SLC71A2: variants seen among roughly 807,000 people sequenced by gnomAD.
SLC71A2 encodes the protein solute carrier family 71 member 2, also known as hippocampus abundant transcript-like 1.
the SLC71A2 span, among the ~76,000 whole-genome samples, chr9:94,428,068 A>C: frequency 3.3e-5 from 5 of 152,008 alleles, no homozygotes; most frequent in Non-Finnish European, 5.9e-5. Context: ...GGTTGCAGTG[A>C]GCTGAGATTG....
chr9:94,447,763 T>C, the SLC71A2 span, among the ~76,000 whole-genome samples: 2 of 152,158 alleles, frequency 1.3e-5, no homozygotes, highest in African/African-American at 4.8e-5. Context: ...CATGATAACA[T>C]GTATCAACCC....
chr9:94,428,550 G>A, the SLC71A2 span, among the ~76,000 whole-genome samples: 38 of 150,244 alleles, frequency 2.5e-4, no homozygotes, highest in Admixed American at 8.0e-4. Flanking sequence ...TGAGAGGAAG[G>A]TACAGAGATT....
At chr9:94,404,207 G>A in the SLC71A2 span, among the ~76,000 whole-genome samples, 2 of 152,186 alleles carry the variant, frequency 1.3e-5, no homozygotes, top group Non-Finnish European at 2.9e-5. Flanking sequence ...TAAGACAGTA[G>A]CCATCCTAAT....
chr9:94,385,964 C>T, the SLC71A2 span, among the ~76,000 whole-genome samples: 1 of 152,130 alleles, frequency 6.6e-6, no homozygotes, highest in Non-Finnish European at 1.5e-5. Context: ...TCGTGGCTCA[C>T]TGTAATCTTA....
the SLC71A2 span, chr9:94,454,086 A>C: frequency 6.4e-7 from 1 of 1,569,048 alleles, no homozygotes; most frequent in Admixed American, 1.7e-5. Flanking sequence ...CCTCACTCTT[A>C]GATTCTCGTG....
the SLC71A2 span, among the ~76,000 whole-genome samples, chr9:94,385,939 A>G: frequency 2.0e-5 from 3 of 151,860 alleles, no homozygotes; most frequent in African/African-American, 4.8e-5. Flanking sequence ...CCCAGGCTGG[A>G]GTGCAGTGGT....
At chr9:94,457,453 A>ATTT in the SLC71A2 span, among the ~76,000 whole-genome samples, 266 of 150,494 alleles carry the variant, frequency 1.8e-3, 1 homozygote, top group East Asian at 9.2e-3. Flanking sequence ...TATTCATTGC[A>ATTT]TTTTTTTTTT....
the SLC71A2 span, among the ~76,000 whole-genome samples, chr9:94,452,647 TC>T: frequency 1.0e-5 from 1 of 95,836 alleles, no homozygotes; most frequent in African/African-American, 3.3e-5. Flanking sequence ...ATATATATAT[TC>T]ATATATATTC....
At chr9:94,426,917 C>G in the SLC71A2 span, among the ~76,000 whole-genome samples, 2 of 152,198 alleles carry the variant, frequency 1.3e-5, no homozygotes, top group Non-Finnish European at 2.9e-5. Flanking sequence ...TCACTGCAGA[C>G]TTGATCTTCC....
chr9:94,436,805 G>GT, the SLC71A2 span, among the ~76,000 whole-genome samples: 2 of 152,150 alleles, frequency 1.3e-5, no homozygotes, highest in African/African-American at 4.8e-5. Context: ...GGAGACTTCT[G>GT]TAAGTTGATT....
chr9:94,454,119 A>G, the SLC71A2 span: 1 of 1,333,568 alleles, frequency 7.5e-7, no homozygotes, highest in Admixed American at 1.7e-5. Context: ...GATGCCTCTT[A>G]GAGGAGCTTG....
the SLC71A2 span, among the ~76,000 whole-genome samples, chr9:94,456,950 T>C: frequency 7.0e-6 from 1 of 143,288 alleles, no homozygotes. Context: ...TTCCCTCTTT[T>C]CCCACCCTTC....
the SLC71A2 span, among the ~76,000 whole-genome samples, chr9:94,440,530 G>C: frequency 6.6e-6 from 1 of 151,314 alleles, no homozygotes; most frequent in Non-Finnish European, 1.5e-5. Flanking sequence ...TTTTAAACTG[G>C]GTTTTTAAAA....
At chr9:94,456,628 C>T in the SLC71A2 span, among the ~76,000 whole-genome samples, 1 of 152,136 alleles carries the variant, frequency 6.6e-6, no homozygotes, top group African/African-American at 2.4e-5. Flanking sequence ...TTTAGTGTCA[C>T]AATTAAGCAG....
At chr9:94,411,584 C>A in the SLC71A2 span, among the ~76,000 whole-genome samples, 20 of 148,644 alleles carry the variant, frequency 1.3e-4, no homozygotes, top group Admixed American at 8.1e-4. Flanking sequence ...TTTCTTCATT[C>A]GTTAGCCGAT....
At chr9:94,447,486 T>G in the SLC71A2 span, among the ~76,000 whole-genome samples, 5 of 151,274 alleles carry the variant, frequency 3.3e-5, no homozygotes, top group Middle Eastern at 3.4e-3. Flanking sequence ...AGCCTGTTTT[T>G]TTTTTTTTTT....
the SLC71A2 span, among the ~76,000 whole-genome samples, chr9:94,409,715 A>G: frequency 1.3e-5 from 2 of 151,596 alleles, no homozygotes; most frequent in African/African-American, 4.9e-5. Context: ...GATTTCTTTT[A>G]TCTGTTATTT....
chr9:94,439,225 C>T, the SLC71A2 span, among the ~76,000 whole-genome samples: 1 of 151,734 alleles, frequency 6.6e-6, no homozygotes, highest in African/African-American at 2.4e-5. Context: ...GGTGAGGCTT[C>T]CCTTGAACTG....
At chr9:94,439,171 G>A in the SLC71A2 span, among the ~76,000 whole-genome samples, 4 of 151,870 alleles carry the variant, frequency 2.6e-5, no homozygotes, top group South Asian at 4.2e-4. Context: ...ACAGACGCCC[G>A]GCTAATTTTT....
Sources: gnomAD v4.1 joint callset for allele counts (sites outside exome capture counted in the v4.1 genomes callset) on GRCh38, gnomAD v4.1.1 for gene constraint, MANE v1.5 for transcripts, NCBI Gene and HGNC (gene_info 2026-07-23, HGNC 2026-07-21) for gene names.